The following LEO1 variants were observed in gnomAD, a reference collection of about 807,000 sequenced individuals.
The protein encoded by LEO1 is LEO1 component of Paf1/RNA polymerase II complex, also known as RNA polymerase-associated protein LEO1.
In LEO1, 34 loss-of-function variants were observed where a neutral mutation model predicts 80.4. The ratio of observed to expected loss-of-function variants is 0.42; its 90% CI spans 0.32 to 0.56. The LOEUF is 0.56. Among genes scored for constraint, LEO1 ranks in the 20% least tolerant of loss-of-function variants. The probability of loss-of-function intolerance (pLI) is 0.10; values close to 1 mark genes in which losing one functional copy is unlikely to be tolerated. For missense variants in LEO1, 631 were observed against 814.2 expected (o/e 0.77, Z 2.74); for synonymous variants, 262 against 274.9 (o/e 0.95, Z 0.46).
rs779837816 is a variant in LEO1 at position 51,951,840 on chromosome 15, A to G, written c.1611+4T>C. The G allele has an allele frequency of 1.9e-6, 3 of 1,613,706 alleles. No homozygotes were observed. Among genetic ancestry groups the G allele is most frequent in the Non-Finnish European group, 2.5e-6 (3 of 1,179,698 alleles). Reference sequence around the variant, plus strand: ...AGGATAACGCTTAGGCTTAGCAAACATACCTTAATCATTTCTGTGCGTTGG... The same window carrying G: ...AGGATAACGCTTAGGCTTAGCAAACGTACCTTAATCATTTCTGTGCGTTGG... On this transcript the variant is annotated splice_donor_region_variant and intron_variant, in intron 9 of 11. Coordinates refer to ENST00000299601, the MANE Select transcript of LEO1 (RefSeq NM_138792.4).
rs773599316 is a variant in LEO1 at position 51,971,759 on chromosome 15, C to T, written c.-14G>A. On this transcript the variant is annotated 5_prime_UTR_variant, in exon 1 of 12. Coordinates refer to ENST00000299601, the MANE Select transcript of LEO1 (RefSeq NM_138792.4). ...CATATCCGCCATTATCGCTCACGTC[C>T]GCTGCTGCCTCGGTTAGGGGCAGCT... The T allele has an allele frequency of 5.0e-6, 8 of 1,613,970 alleles. No individual in the cohort carries two copies. Among genetic ancestry groups the T allele is most frequent in the Admixed American group, 1.7e-5 (1 of 60,004 alleles).
In LEO1 at chr15:51,960,522, A is replaced by G. The variant is rs1260412090; in HGVS notation, c.1014+117T>C. 4.6e-6 allele frequency: 3 copies of G among 654,970 alleles called. No individual in the cohort carries two copies. The African/African-American group carries it at 5.5e-5, about 12-fold the overall frequency. 40.6% of individuals were successfully genotyped at this position (654,970 alleles called of 1,614,324 possible). On this transcript the variant is annotated intron_variant, in intron 4 of 11. Transcript: ENST00000299601. The stretch of plus-strand genomic sequence containing the variant: ...ACATAATGAAGAAAGTCATCTGTTC[A>G]TGGTATTTTCATACTAGAATTCAGT...
chr15:51,940,348 C>T (rs943195160), intron 11 of LEO1, among the ~76,000 whole-genome samples: 1 of 149,350 alleles, frequency 6.7e-6, no homozygotes, highest in Non-Finnish European at 1.5e-5. Flanking sequence ...ATCACGAGGT[C>T]AGGAGTTCAA....
chr15:51,947,969 C>T (rs1441368789), intron 10 of LEO1, among the ~76,000 whole-genome samples: 1 of 152,166 alleles, frequency 6.6e-6, no homozygotes. Context: ...AGGCAAGATA[C>T]CCTACTCTTA....
At chr15:51,962,348 G>A (rs1296557423) in intron 3 of LEO1, 41 bp downstream of exon 3, 2 of 1,281,800 alleles carry the variant, frequency 1.6e-6, no homozygotes, top group Non-Finnish European at 2.2e-6. Context: ...AATACAGAAA[G>A]AGGTATGGAA....
intron 6 of LEO1, among the ~76,000 whole-genome samples, chr15:51,956,327 G>A (rs1595939437): frequency 6.6e-6 from 1 of 151,630 alleles, no homozygotes; most frequent in Non-Finnish European, 1.5e-5. Flanking sequence ...GGCTGAGGCT[G>A]GAGAATTGCT....
chr15:51,970,086 C>G (rs1294843306), intron 1 of LEO1, among the ~76,000 whole-genome samples: 2 of 152,092 alleles, frequency 1.3e-5, no homozygotes, highest in Admixed American at 6.6e-5. Flanking sequence ...TAAAGAATTA[C>G]CATATGACTC....
intron 2 of LEO1, among the ~76,000 whole-genome samples, chr15:51,962,843 G>T (rs1042611305): frequency 1.3e-5 from 2 of 152,066 alleles, no homozygotes; most frequent in African/African-American, 2.4e-5. Context: ...CAGTGTGACA[G>T]CGATTCTGCA....
chr15:51,948,414 A>G (rs1486936298), intron 10 of LEO1, among the ~76,000 whole-genome samples: 1 of 152,094 alleles, frequency 6.6e-6, no homozygotes, highest in East Asian at 1.9e-4. Context: ...ATCTTTTTCT[A>G]TGGGAAATCA....
chr15:51,955,599 C>G (rs752802150), intron 6 of LEO1, among the ~76,000 whole-genome samples: 5 of 152,164 alleles, frequency 3.3e-5, no homozygotes, highest in Non-Finnish European at 5.9e-5. Context: ...ACAGGACATA[C>G]AAGGATAGAA....
At chr15:51,941,332 AGTCATGAATGCAGGTCCCT>A (rs1705720847) in intron 11 of LEO1, among the ~76,000 whole-genome samples, 1 of 152,226 alleles carries the variant, frequency 6.6e-6, no homozygotes, top group African/African-American at 2.4e-5. Flanking sequence ...TTGCTAATAC[AGTCATGAATGCAGGTCCCT>A]GTAGATACAG....
At chr15:51,960,401 C>G (rs747477625) in intron 4 of LEO1, among the ~76,000 whole-genome samples, 2 of 152,182 alleles carry the variant, frequency 1.3e-5, no homozygotes, top group Non-Finnish European at 2.9e-5. Flanking sequence ...CAATGGTTCT[C>G]AAATCACAAG....
At chr15:51,967,790 A>C (rs1047147295) in intron 1 of LEO1, among the ~76,000 whole-genome samples, 11 of 152,382 alleles carry the variant, frequency 7.2e-5, no homozygotes, top group African/African-American at 2.2e-4. Flanking sequence ...TTTTATATTC[A>C]GTAAAATTAT....
At chr15:51,947,522 C>T in intron 10 of LEO1, 133 bp from the exon 11 acceptor site, 1 of 623,756 alleles carries the variant, frequency 1.6e-6, no homozygotes, top group Non-Finnish European at 2.8e-6. Flanking sequence ...CTTAGGTGAT[C>T]CTCCTGCCTC....
intron 9 of LEO1, among the ~76,000 whole-genome samples, chr15:51,951,355 T>G (rs2056947419): frequency 6.6e-6 from 1 of 152,242 alleles, no homozygotes; most frequent in Admixed American, 6.5e-5. Flanking sequence ...TGTGCCTAAT[T>G]AACAGCTGGG....
At position 51,943,336 on chromosome 15, in the gene LEO1, G is replaced by A. The variant is rs1258463674; in HGVS notation, c.1896+3956C>T. Among the ~76,000 whole-genome samples, 7 of 147,326 alleles carry A rather than the reference G, an allele frequency of 4.8e-5. No individual in the cohort carries two copies. The East Asian group carries it at 6.2e-4, about 13-fold the overall frequency. On this transcript the variant is annotated intron_variant, in intron 11 of 11. Transcript: ENST00000299601. ...GGAAGTTGCAGTGAGCCAAGATCAC[G>A]CCACTGCACTCCAGCCTGGGCGACA... is the stretch of plus-strand genomic sequence containing the variant.
intron 3 of LEO1, among the ~76,000 whole-genome samples, chr15:51,961,927 T>C: frequency 6.6e-6 from 1 of 151,866 alleles, no homozygotes; most frequent in East Asian, 1.9e-4. Context: ...TTCGGGAGGC[T>C]GAGGTGGGTG....
At chr15:51,943,778 TAA>T (rs36007111) in intron 11 of LEO1, among the ~76,000 whole-genome samples, 174 of 127,144 alleles carry the variant, frequency 1.4e-3, no homozygotes, top group East Asian at 3.4e-3. Flanking sequence ...GAGAAGTGAT[TAA>T]AAAAAAAAAA....
intron 6 of LEO1, among the ~76,000 whole-genome samples, chr15:51,958,061 T>C (rs972001885): frequency 6.6e-5 from 10 of 152,086 alleles, no homozygotes; most frequent in Non-Finnish European, 1.2e-4. Flanking sequence ...ATAAGAAATT[T>C]ACAGGAAATC....
Sources: allele counts gnomAD v4.1 joint callset (sites outside exome capture counted in the v4.1 genomes callset), GRCh38; gene constraint gnomAD v4.1.1; transcripts MANE v1.5; gene names NCBI Gene and HGNC (gene_info 2026-07-23, HGNC 2026-07-21).